The following KIF13B variants were observed in gnomAD, a reference collection of about 807,000 sequenced individuals.
KIF13B encodes kinesin-like protein KIF13B.
In KIF13B, 127 loss-of-function variants were observed where a neutral mutation model predicts 222.0. That is an observed-to-expected ratio of 0.57 (90% CI 0.50 to 0.66). KIF13B has a LOEUF of 0.66. Ranked by LOEUF, KIF13B falls within the 30% of genes least tolerant of loss-of-function variation. The probability of loss-of-function intolerance (pLI) is 0.00; values close to 1 mark genes in which losing one functional copy is unlikely to be tolerated. For synonymous variants in KIF13B, 976 were observed against 919.0 expected (o/e 1.06, Z -1.12); for missense variants, 2,173 against 2,379.0 (o/e 0.91, Z 1.80).
At chr8:29,163,784 C>T (rs2130135178) in intron 12 of KIF13B, among the ~76,000 whole-genome samples, 1 of 152,286 alleles carries the variant, frequency 6.6e-6, no homozygotes, top group South Asian at 2.1e-4. Flanking sequence ...GAAAAGGTGC[C>T]AACACTAAGC....
At chr8:29,086,995 G>A (rs56131949) in intron 37 of KIF13B, among the ~76,000 whole-genome samples, 34 of 152,376 alleles carry the variant, frequency 2.2e-4, no homozygotes, top group Non-Finnish European at 4.4e-4. Context: ...GCTAAGTCCA[G>A]CACTGGATGC....
chr8:29,179,149 A>G (rs890114861), intron 8 of KIF13B, among the ~76,000 whole-genome samples: 3 of 151,204 alleles, frequency 2.0e-5, no homozygotes, highest in Non-Finnish European at 4.4e-5. Flanking sequence ...TTTGAGACAG[A>G]GTCTTGCTCT....
In KIF13B at chr8:29,167,427, G is replaced by A. The variant is rs1413437469; in HGVS notation, c.1104C>T (p.Ile368=). The A allele has an allele frequency of 1.9e-6, 3 of 1,613,790 alleles. No homozygotes were observed. In the South Asian group the frequency reaches 3.3e-5, roughly 18 times the overall value. ...TCTCAACTTCTTCCCGGAGATCCCG[G>A]ATAATTCGGGCATTAGGGTCCTCAT... ...VVNEDPNARI[I]RDLREEVEKL... Residue 368 remains isoleucine, a synonymous_variant, in exon 11 of 40, where the codon ATC becomes ATT. Transcript: ENST00000524189.
At chr8:29,169,781 TGAAA>T (rs1812157528) in intron 10 of KIF13B, among the ~76,000 whole-genome samples, 1 of 152,204 alleles carries the variant, frequency 6.6e-6, no homozygotes, top group Non-Finnish European at 1.5e-5. Context: ...TGAACATGAA[TGAAA>T]TTCAAATGTG....
At chr8:29,223,377 A>T (rs1032793241) in intron 2 of KIF13B, among the ~76,000 whole-genome samples, 5 of 151,714 alleles carry the variant, frequency 3.3e-5, no homozygotes, top group Admixed American at 6.6e-5. Context: ...TTTTCTGTAC[A>T]AGACAACTTG....
intron 37 of KIF13B, among the ~76,000 whole-genome samples, chr8:29,090,303 C>T (rs1021322472): frequency 1.3e-5 from 2 of 152,152 alleles, no homozygotes; most frequent in Non-Finnish European, 1.5e-5. Context: ...ATTCTGGCTA[C>T]TCTGTTTAAA....
At chr8:29,178,280 TAAA>T (rs138145523) in intron 8 of KIF13B, among the ~76,000 whole-genome samples, 7 of 149,472 alleles carry the variant, frequency 4.7e-5, no homozygotes, top group African/African-American at 1.5e-4. Context: ...AATTCTGACA[TAAA>T]AAAAAAATCT....
intron 2 of KIF13B, among the ~76,000 whole-genome samples, chr8:29,235,307 C>T (rs937415226): frequency 6.6e-6 from 1 of 152,100 alleles, no homozygotes; most frequent in Non-Finnish European, 1.5e-5. Context: ...CCATCTGCAC[C>T]GTCCAAGCAA....
chr8:29,186,134 G>C (rs1812915380), intron 6 of KIF13B, among the ~76,000 whole-genome samples, 158 bp downstream of exon 6: 1 of 152,192 alleles, frequency 6.6e-6, no homozygotes, highest in Non-Finnish European at 1.5e-5. Flanking sequence ...CTTGAGCCCA[G>C]GAGTTCAAGG....
At chr8:29,224,225 G>T (rs565077519) in intron 2 of KIF13B, among the ~76,000 whole-genome samples, 1 of 150,632 alleles carries the variant, frequency 6.6e-6, no homozygotes, top group Non-Finnish European at 1.5e-5. Context: ...GGATGGTCTC[G>T]ATCTCCTGAC....
At chr8:29,231,146 C>G (rs1207220648) in intron 2 of KIF13B, among the ~76,000 whole-genome samples, 1 of 152,174 alleles carries the variant, frequency 6.6e-6, no homozygotes, top group African/African-American at 2.4e-5. Context: ...TCCCAAAGTG[C>G]TGGGACTGCA....
chr8:29,162,048 C>A (rs1187232859), intron 12 of KIF13B, among the ~76,000 whole-genome samples: 1 of 152,124 alleles, frequency 6.6e-6, no homozygotes, highest in Non-Finnish European at 1.5e-5. Context: ...TGAACCCATA[C>A]AATATATGAA....
At chr8:29,183,356 T>C (rs1193238063) in intron 6 of KIF13B, among the ~76,000 whole-genome samples, 2 of 152,116 alleles carry the variant, frequency 1.3e-5, no homozygotes, top group Non-Finnish European at 2.9e-5. Context: ...TTTGCCATGT[T>C]GGCCAGGCTG....
At chr8:29,263,121 G>A (rs2117199697), upstream of KIF13B, 1 of 1,330,544 alleles carries the variant, frequency 7.5e-7, no homozygotes, top group Non-Finnish European at 1.0e-6. Flanking sequence ...AGGGGGCCGG[G>A]GGCGGAGCCG....
rs367974170 is a variant in KIF13B at position 29,116,979 on chromosome 8, G to A, written c.3689C>T (p.Ala1230Val). The A allele has an allele frequency of 1.7e-5, 27 of 1,599,224 alleles. No homozygotes were observed. Among genetic ancestry groups the A allele is most frequent in the African/African-American group, 6.7e-5 (5 of 74,468 alleles). Residue 1230 changes from alanine (A) to valine (V), a missense_variant, in exon 31 of 40, where the codon GCG becomes GTG. By Grantham distance (64) the Ala-to-Val change is moderately conservative (BLOSUM62 0). Coordinates refer to ENST00000524189, the MANE Select transcript of KIF13B (RefSeq NM_015254.4). ...GCTGAGCTGAGGGCAGCCATGCACC[G>A]CGGAGTCCCAGGAGGCTTCTGCTTT... is the stretch of plus-strand genomic sequence containing the variant. ...EVKAEASWDS[A>V]VHGCPQLSRG...
At chr8:29,129,419 AATTT>A (rs1457242149) in intron 24 of KIF13B, among the ~76,000 whole-genome samples, 5 of 152,162 alleles carry the variant, frequency 3.3e-5, no homozygotes, top group African/African-American at 9.7e-5. Context: ...ACTTTGCTAA[AATTT>A]ATTTGCTGGG....
intron 19 of KIF13B, 55 bp from the exon 20 acceptor site, chr8:29,140,672 T>C: frequency 2.1e-5 from 32 of 1,491,356 alleles, no homozygotes; most frequent in Non-Finnish European, 2.9e-5. Context: ...AATAAATGCA[T>C]TCAACCTACT....
chr8:29,106,778 A>G (rs572571987), intron 35 of KIF13B, among the ~76,000 whole-genome samples: 179 of 152,192 alleles, frequency 1.2e-3, no homozygotes, highest in Middle Eastern at 3.4e-3. Context: ...AATGAACTCC[A>G]CTCAGCTTTA....
chr8:29,249,890 G>T, intron 1 of KIF13B: 1 of 489,548 alleles, frequency 2.0e-6, no homozygotes, highest in Non-Finnish European at 3.6e-6. Flanking sequence ...GTCTATTTCT[G>T]ATGTTTTGTC....
Sources: gnomAD v4.1 joint callset for allele counts (sites outside exome capture counted in the v4.1 genomes callset) on GRCh38, gnomAD v4.1.1 for gene constraint, MANE v1.5 for transcripts, NCBI Gene and HGNC (gene_info 2026-07-23, HGNC 2026-07-21) for gene names.